Variants in DMD observed in about 807,000 individuals in gnomAD.
The protein encoded by DMD is mutant dystrophin.
Under a neutral mutation model 330.1 loss-of-function variants are expected in DMD, and 63 were observed. The observed-to-expected ratio is 0.19, with a 90% CI of 0.16 to 0.24. The LOEUF (loss-of-function observed/expected upper bound fraction) is 0.24, where lower values mean the gene tolerates loss of function less well. Ranked by LOEUF, DMD falls within the 10% of genes least tolerant of loss-of-function variation. The pLI, the probability that DMD is intolerant of heterozygous loss-of-function variation, is 1.00. For missense variants in DMD, 3,344 were observed against 2,684.1 expected, an observed-to-expected ratio of 1.25 and a Z score of -5.43; for synonymous variants, 1,223 against 959.8, an observed-to-expected ratio of 1.27 and a Z score of -5.07.
intron 45 of DMD, among the ~76,000 whole-genome samples, chrX:31,960,164 C>T (rs73467960): frequency 0.14 from 15,305 of 108,858 alleles, 1,234 homozygotes; most frequent in African/African-American, 0.3. Flanking sequence ...CATTAGTTTT[C>T]ATGATATTTA....
chrX:33,070,820 G>A (rs757320576), intron 1 of DMD, among the ~76,000 whole-genome samples: 9 of 106,487 alleles, frequency 8.5e-5, no homozygotes, highest in Non-Finnish European at 1.4e-4. Flanking sequence ...CTAAGATGGC[G>A]AATATTGACA....
At chrX:33,281,096 CTTTA>C (rs1278766038) in intron 1 of DMD, among the ~76,000 whole-genome samples, 13 of 111,361 alleles carry the variant, frequency 1.2e-4, no homozygotes, top group Non-Finnish European at 2.4e-4. Flanking sequence ...TTTAGGTCTT[CTTTA>C]TTTATTTTAC....
At chrX:32,471,865 A>G (rs376271336) in intron 22 of DMD, among the ~76,000 whole-genome samples, 1 of 112,027 alleles carries the variant, frequency 8.9e-6, no homozygotes, top group East Asian at 2.8e-4. Flanking sequence ...GGAATAAAAC[A>G]ATGGTTTTTC....
intron 30 of DMD, among the ~76,000 whole-genome samples, chrX:32,407,886 C>T (rs1276780549): frequency 9.8e-6 from 1 of 102,430 alleles, no homozygotes; most frequent in African/African-American, 3.6e-5. Context: ...AAAAACCAAA[C>T]ACCGCATGTT....
intron 9 of DMD, among the ~76,000 whole-genome samples, chrX:32,689,134 C>A (rs2063092043): frequency 9.0e-6 from 1 of 110,884 alleles, no homozygotes; most frequent in Admixed American, 9.6e-5. Flanking sequence ...GTTATACTAT[C>A]CTTATAAAAT....
At chrX:32,960,954 A>C (rs2091866470) in intron 2 of DMD, among the ~76,000 whole-genome samples, 1 of 109,094 alleles carries the variant, frequency 9.2e-6, no homozygotes, top group Non-Finnish European at 1.9e-5. Flanking sequence ...ATTTAAACGA[A>C]GTACTGCATG....
chrX:32,065,277 G>A (rs940896695), intron 44 of DMD, among the ~76,000 whole-genome samples: 1 of 111,225 alleles, frequency 9.0e-6, no homozygotes, highest in Non-Finnish European at 1.9e-5. Context: ...GTTTCTCCTT[G>A]TCAGTGCTAT....
At chrX:31,643,113 G>T (rs1486594023) in intron 54 of DMD, among the ~76,000 whole-genome samples, 2 of 111,370 alleles carry the variant, frequency 1.8e-5, no homozygotes, top group Non-Finnish European at 3.8e-5. Context: ...AGAGACCATT[G>T]TTCATTTCAC....
chrX:32,728,602 C>A (rs2067164870), intron 7 of DMD, among the ~76,000 whole-genome samples: 1 of 112,184 alleles, frequency 8.9e-6, no homozygotes. Flanking sequence ...AGCAACAAAG[C>A]TTGTCTTATC....
At chrX:32,863,515 A>C (rs1603450389) in intron 2 of DMD, among the ~76,000 whole-genome samples, 3 of 90,908 alleles carry the variant, frequency 3.3e-5, no homozygotes, top group Non-Finnish European at 6.2e-5. Flanking sequence ...GTCTCAAAAA[A>C]AAAAAAAAAA....
chrX:31,278,142 CGT>C (rs200132484), intron 62 of DMD, among the ~76,000 whole-genome samples: 1 of 110,285 alleles, frequency 9.1e-6, no homozygotes, highest in East Asian at 2.8e-4. Flanking sequence ...TGCGTGTGTG[CGT>C]GTGTGTGTGT....
intron 67 of DMD, among the ~76,000 whole-genome samples, chrX:31,194,290 A>G (rs2042672969): frequency 8.9e-6 from 1 of 112,427 alleles, no homozygotes; most frequent in South Asian, 3.7e-4. Context: ...AGATGCTGGA[A>G]GAAAACAGTG....
chrX:31,867,218 T>TA (rs2093815713), intron 48 of DMD, among the ~76,000 whole-genome samples: 2 of 108,090 alleles, frequency 1.9e-5, no homozygotes, highest in Non-Finnish European at 3.8e-5. Flanking sequence ...TTTTTTTTTT[T>TA]ATATTTTGGG....
At chrX:31,367,380 C>T (rs2059320470) in intron 60 of DMD, among the ~76,000 whole-genome samples, 1 of 111,005 alleles carries the variant, frequency 9.0e-6, no homozygotes, top group South Asian at 3.8e-4. Flanking sequence ...ACAGGATATG[C>T]AATATAATTT....
rs958134101 is a variant in DMD, at chrX:33,036,457, G to C, written c.32-16257C>G. 2.7e-5 allele frequency among the ~76,000 whole-genome samples: 3 copies of C among 109,555 alleles called. No individual in the cohort carries two copies. The Admixed American group carries it at 3.0e-4, about 11-fold the overall frequency. ...AAAAATTACCGTTCTGCTTTTTTTT[G>C]GAACCTTGAAAAATGGTCTCATAAT... On this transcript the variant is annotated intron_variant, in intron 1 of 78. Coordinates refer to ENST00000357033, the MANE Select transcript of DMD (RefSeq NM_004006.3).
intron 12 of DMD, among the ~76,000 whole-genome samples, chrX:32,609,871 A>T (rs780700680): frequency 1.8e-5 from 2 of 111,363 alleles, no homozygotes; most frequent in Non-Finnish European, 3.8e-5. Context: ...CTATGCACAA[A>T]AGTCTAAATC....
chrX:32,731,404 CCCA>C (rs1247985729), intron 7 of DMD, among the ~76,000 whole-genome samples: 2 of 112,505 alleles, frequency 1.8e-5, no homozygotes, highest in African/African-American at 6.5e-5. Flanking sequence ...CTGGGTGGAG[CCCA>C]CCACAACTCA....
chrX:31,902,572 G>C lies in DMD; in HGVS notation c.6912+27024C>G, dbSNP rs141924567. 9.0e-3 allele frequency among the ~76,000 whole-genome samples: 1,002 copies of C among 111,669 alleles called. 10 individuals are homozygous for C. Among genetic ancestry groups the C allele is most frequent in the African/African-American group, 0.031 (945 of 30,811 alleles). On this transcript the variant is annotated intron_variant, in intron 47 of 78. Coordinates refer to ENST00000357033, the MANE Select transcript of DMD (RefSeq NM_004006.3). The stretch of plus-strand genomic sequence containing the variant: ...GTAGAGCGTAGGCAAAGCGATATAA[G>C]AGCAGTACTAATTTGCTGATTAGGT...
chrX:32,927,411 C>G (rs1466375566), intron 2 of DMD, among the ~76,000 whole-genome samples: 1 of 93,166 alleles, frequency 1.1e-5, no homozygotes, highest in African/African-American at 4.1e-5. Flanking sequence ...TCTTGTTGCC[C>G]AGGCTGGAGT....
Sources: gnomAD v4.1 joint callset for allele counts (sites outside exome capture counted in the v4.1 genomes callset) on GRCh38, gnomAD v4.1.1 for gene constraint, MANE v1.5 for transcripts, NCBI Gene and HGNC (gene_info 2026-07-23, HGNC 2026-07-21) for gene names.